The following CA10 variants were observed in gnomAD, a reference collection of about 807,000 sequenced individuals.
CA10 encodes the protein carbonic anhydrase 10 (inactive).
A neutral mutation model predicts 44.2 loss-of-function variants in CA10; 14 were observed. The observed-to-expected ratio is 0.32, with a 90% CI of 0.21 to 0.50. The LOEUF is 0.50. Ranked by LOEUF, CA10 falls within the 20% of genes least tolerant of loss-of-function variation. The probability of loss-of-function intolerance (pLI) is 0.99; values close to 1 mark genes in which losing one functional copy is unlikely to be tolerated. For synonymous variants in CA10, 159 were observed against 141.6 expected (o/e 1.12, Z -0.87); for missense variants, 350 against 409.7 (o/e 0.85, Z 1.26).
intron 2 of CA10, among the ~76,000 whole-genome samples, chr17:51,971,123 T>A (rs1166331047): frequency 6.6e-6 from 1 of 152,090 alleles, no homozygotes; most frequent in East Asian, 1.9e-4. Flanking sequence ...GCTAAAGATC[T>A]ACAGCTGTTC....
intron 3 of CA10, 65 bp from the exon 4 acceptor site, chr17:51,747,883 A>C (rs1904758953): frequency 7.8e-7 from 1 of 1,286,564 alleles, no homozygotes; most frequent in African/African-American, 1.5e-5. Context: ...CAAACCCAGC[A>C]TGGTGCTTGG....
intron 2 of CA10, among the ~76,000 whole-genome samples, chr17:51,958,038 C>T (rs1236451334): frequency 6.6e-6 from 1 of 152,116 alleles, no homozygotes; most frequent in African/African-American, 2.4e-5. Context: ...GTGTCCTTTA[C>T]TCTTAGAAGG....
chr17:51,984,285 A>G (rs1396420468), intron 2 of CA10, among the ~76,000 whole-genome samples: 1 of 151,870 alleles, frequency 6.6e-6, no homozygotes, highest in Non-Finnish European at 1.5e-5. Context: ...AGCAAGATGG[A>G]AATGAAAACA....
chr17:52,113,264 T>C (rs1179922654), intron 1 of CA10, among the ~76,000 whole-genome samples: 1 of 152,232 alleles, frequency 6.6e-6, no homozygotes, highest in African/African-American at 2.4e-5. Context: ...ATAAAATTAG[T>C]AGAATTTTGA....
chr17:51,713,783 C>T lies in CA10; in HGVS notation c.465+33850G>A, dbSNP rs542837916. On this transcript the variant is annotated intron_variant, in intron 4 of 8. Coordinates refer to ENST00000451037, the MANE Select transcript of CA10 (RefSeq NM_020178.5). Reference sequence around the variant, plus strand: ...GTAGGTTCATGACCTTACAGGTTGGCCAGACTCAGTCTCCCAGGAATCTGA... The same window carrying T: ...GTAGGTTCATGACCTTACAGGTTGGTCAGACTCAGTCTCCCAGGAATCTGA... Among the ~76,000 whole-genome samples, 6 of 152,212 alleles carry T rather than the reference C, an allele frequency of 3.9e-5. No individual in the cohort carries two copies. In the South Asian group the frequency reaches 6.2e-4, roughly 16 times the overall value.
In CA10 at chr17:51,839,501, A is replaced by C. The variant is rs917676045; in HGVS notation, c.279+91489T>G. ...GAGCAACAGAGCAAGACTCCTTCTC[A>C]AAAAAAAAAAAAAAAAAAAAAAAAA... On this transcript the variant is annotated intron_variant, in intron 3 of 8. Coordinates refer to ENST00000451037, the MANE Select transcript of CA10 (RefSeq NM_020178.5). Among the ~76,000 whole-genome samples the C allele has an allele frequency of 3.6e-4, 7 of 19,558 alleles. No individual in the cohort carries two copies. In the South Asian group the frequency reaches 0.01, roughly 29 times the overall value. 12.8% of individuals were successfully genotyped at this position (19,558 alleles called of 152,430 possible). A position where few individuals can be genotyped will look rare whatever the true frequency, so the allele number is the denominator to read the frequency against.
At chr17:51,658,510 C>G (rs1209570798) in intron 4 of CA10, among the ~76,000 whole-genome samples, 1 of 152,036 alleles carries the variant, frequency 6.6e-6, no homozygotes, top group Non-Finnish European at 1.5e-5. Context: ...ATCCTGATGA[C>G]CAGGAGCCAG....
intron 4 of CA10, among the ~76,000 whole-genome samples, chr17:51,710,318 G>C (rs747199050): frequency 2.6e-5 from 4 of 152,200 alleles, no homozygotes; most frequent in Non-Finnish European, 4.4e-5. Flanking sequence ...GTCTTCAAAA[G>C]CTGAAGTTGG....
chr17:51,850,663 T>C (rs1978755089), intron 3 of CA10, among the ~76,000 whole-genome samples: 1 of 152,148 alleles, frequency 6.6e-6, no homozygotes, highest in Admixed American at 6.5e-5. Flanking sequence ...AGGCAGCAGA[T>C]ATTGCACTGA....
At chr17:51,861,602 T>C (rs1001676010) in intron 3 of CA10, among the ~76,000 whole-genome samples, 2 of 151,750 alleles carry the variant, frequency 1.3e-5, no homozygotes, top group Non-Finnish European at 2.9e-5. Context: ...ACTTTATATA[T>C]AGTTGTTTCA....
chr17:52,056,078 C>A (rs1987221434), intron 2 of CA10, among the ~76,000 whole-genome samples: 1 of 151,904 alleles, frequency 6.6e-6, no homozygotes. Flanking sequence ...GAGGAGATGG[C>A]AGATGAAGAG....
chr17:52,118,358 T>C (rs1988942563), intron 1 of CA10, among the ~76,000 whole-genome samples: 1 of 152,156 alleles, frequency 6.6e-6, no homozygotes, highest in Admixed American at 6.5e-5. Context: ...TGTTAATGAG[T>C]AAAGATTTTC....
chr17:51,873,024 A>G (rs1979887763), intron 3 of CA10, among the ~76,000 whole-genome samples: 1 of 152,174 alleles, frequency 6.6e-6, no homozygotes, highest in African/African-American at 2.4e-5. Flanking sequence ...TCAAGAGTTC[A>G]ATGTGCTGTA....
chr17:51,651,111 G>A (rs759245342), intron 5 of CA10, among the ~76,000 whole-genome samples: 4 of 152,024 alleles, frequency 2.6e-5, no homozygotes, highest in Non-Finnish European at 4.4e-5. Flanking sequence ...TTTAGCCAGG[G>A]TGATAACTCT....
rs77681939 is a variant in CA10 at position 51,778,837 on chromosome 17, G to A, written c.280-31019C>T. Among the ~76,000 whole-genome samples, 1,280 of 152,274 alleles carry A rather than the reference G, an allele frequency of 8.4e-3. 18 individuals are homozygous for A. The highest frequency in any genetic ancestry group is 0.028 in the African/African-American group (1,183 of 41,558). ...CTCAGGCTGCTCAGGGAGGAGAGGG[G>A]TGTTTCCTGGAGAAATAAACTGCTT... On this transcript the variant is annotated intron_variant, in intron 3 of 8. Coordinates refer to ENST00000451037, the MANE Select transcript of CA10 (RefSeq NM_020178.5).
chr17:51,889,025 G>A (rs903414641), intron 3 of CA10, among the ~76,000 whole-genome samples: 1 of 152,232 alleles, frequency 6.6e-6, no homozygotes, highest in East Asian at 1.9e-4. Flanking sequence ...AGCTCAGCTG[G>A]TGCTGCCAAT....
At chr17:51,637,750 A>C (rs1225255978) in intron 6 of CA10, among the ~76,000 whole-genome samples, 1 of 152,192 alleles carries the variant, frequency 6.6e-6, no homozygotes, top group Non-Finnish European at 1.5e-5. Flanking sequence ...GGGCTGCCCA[A>C]GGTCACAGGG....
At chr17:51,808,074 G>A (rs1907201694) in intron 3 of CA10, among the ~76,000 whole-genome samples, 1 of 152,212 alleles carries the variant, frequency 6.6e-6, no homozygotes, top group African/African-American at 2.4e-5. Flanking sequence ...AGATCTGAGA[G>A]GTAAGACCAG....
chr17:51,716,257 G>A (rs1202156413), intron 4 of CA10, among the ~76,000 whole-genome samples: 9 of 152,060 alleles, frequency 5.9e-5, no homozygotes, highest in Non-Finnish European at 7.4e-5. Flanking sequence ...AAATGAGATC[G>A]AGTGATATAT....
Sources: gnomAD v4.1 joint callset for allele counts (sites outside exome capture counted in the v4.1 genomes callset) on GRCh38, gnomAD v4.1.1 for gene constraint, MANE v1.5 for transcripts, NCBI Gene and HGNC (gene_info 2026-07-23, HGNC 2026-07-21) for gene names.